Variants in CTIF observed in about 807,000 individuals in gnomAD.
CTIF encodes the protein CBP80/20-dependent translation initiation factor.
CTIF carries 21 observed loss-of-function variants against 66.0 expected under a neutral mutation model. That is an observed-to-expected ratio of 0.32 (90% CI 0.23 to 0.46). The LOEUF (loss-of-function observed/expected upper bound fraction) is 0.46. Among genes scored for constraint, CTIF ranks in the 20% least tolerant of loss-of-function variants. The pLI, the probability that CTIF is intolerant of heterozygous loss-of-function variation, is 1.00. For synonymous variants in CTIF, 345 were observed against 326.4 expected (o/e 1.06, Z -0.62); for missense variants, 739 against 812.7 (o/e 0.91, Z 1.10).
intron 6 of CTIF, among the ~76,000 whole-genome samples, chr18:48,690,164 A>C (rs1299471270): frequency 6.7e-6 from 1 of 150,212 alleles, no homozygotes; most frequent in Non-Finnish European, 1.5e-5. Flanking sequence ...TCTCCACCCC[A>C]CCCCGTCCTT....
At chr18:48,808,861 T>G (rs565612941) in intron 9 of CTIF, among the ~76,000 whole-genome samples, 22 of 152,230 alleles carry the variant, frequency 1.4e-4, no homozygotes, top group Non-Finnish European at 2.8e-4. Flanking sequence ...TCCCTTGCTA[T>G]TCTTTCAAAT....
Position 48,620,718 on chromosome 18 carries a change from G to A in CTIF, c.180+973G>A, listed in dbSNP as rs11874633. Among the ~76,000 whole-genome samples, 888 of 152,316 alleles carry A rather than the reference G, an allele frequency of 5.8e-3. 2 individuals carry two copies. Among genetic ancestry groups the A allele is most frequent in the African/African-American group, 0.018 (736 of 41,572 alleles). ...GGTTCTGGGGATCCGCCTCTCGTGC[G>A]TGTTATCCCATCTCCAAGCCTGGGA... On this transcript the variant is annotated intron_variant, in intron 2 of 11. Transcript: ENST00000256413.
At chr18:48,584,652 A>G (rs930637056) in intron 1 of CTIF, among the ~76,000 whole-genome samples, 6 of 152,090 alleles carry the variant, frequency 3.9e-5, no homozygotes, top group Non-Finnish European at 5.9e-5. Context: ...TGGAGAGGAG[A>G]CCTGAGTTTG....
chr18:48,779,681 C>G (rs1599030071), intron 9 of CTIF, among the ~76,000 whole-genome samples: 2 of 152,228 alleles, frequency 1.3e-5, no homozygotes, highest in South Asian at 4.1e-4. Flanking sequence ...TCTGCTGCCT[C>G]CTTTCCTGTC....
At chr18:48,558,048 T>TTTTTC (rs750369299) in intron 1 of CTIF, among the ~76,000 whole-genome samples, 1 of 152,246 alleles carries the variant, frequency 6.6e-6, no homozygotes, top group Admixed American at 6.5e-5. Flanking sequence ...ATTCCCTTTC[T>TTTTTC]TTTTCTTTTC....
chr18:48,770,369 G>C (rs1909987588), intron 9 of CTIF, among the ~76,000 whole-genome samples: 1 of 152,280 alleles, frequency 6.6e-6, no homozygotes, highest in African/African-American at 2.4e-5. Context: ...AAATCACAGA[G>C]AGCCCCGCTC....
chr18:48,627,764 AG>A (rs2090628790), intron 2 of CTIF, among the ~76,000 whole-genome samples: 3 of 18,328 alleles, frequency 1.6e-4, no homozygotes, highest in Non-Finnish European at 3.2e-4. Flanking sequence ...GAAAGAAGAC[AG>A]GGTTGGGGGG....
At chr18:48,691,126 C>G (rs1005926966) in intron 6 of CTIF, among the ~76,000 whole-genome samples, 4 of 152,206 alleles carry the variant, frequency 2.6e-5, no homozygotes, top group Non-Finnish European at 5.9e-5. Context: ...TTCCTAAACT[C>G]CCCCAAAATA....
intron 9 of CTIF, among the ~76,000 whole-genome samples, chr18:48,812,724 A>C (rs2068284430): frequency 6.6e-6 from 1 of 150,958 alleles, no homozygotes; most frequent in Non-Finnish European, 1.5e-5. Flanking sequence ...ACTGCACTGC[A>C]GCCTGGGCAA....
intron 6 of CTIF, among the ~76,000 whole-genome samples, chr18:48,699,513 G>A (rs960962352): frequency 3.8e-4 from 58 of 152,298 alleles, no homozygotes; most frequent in African/African-American, 1.3e-3. Flanking sequence ...TCCTGGACAC[G>A]GCCTGGGAGC....
At chr18:48,587,908 A>G (rs1285511723) in intron 1 of CTIF, among the ~76,000 whole-genome samples, 1 of 152,248 alleles carries the variant, frequency 6.6e-6, no homozygotes, top group Non-Finnish European at 1.5e-5. Context: ...ACACACAGCC[A>G]ATCGCCTTTC....
chr18:48,804,276 T>G (rs1368330754), intron 9 of CTIF, among the ~76,000 whole-genome samples: 1 of 152,192 alleles, frequency 6.6e-6, no homozygotes, highest in Non-Finnish European at 1.5e-5. Flanking sequence ...AGTGCCCACA[T>G]GGTCCCCGTC....
At position 48,859,872 on chromosome 18, in the gene CTIF, G is replaced by A. The variant is rs138596811; in HGVS notation, c.*313G>A. 5.9e-5 allele frequency: 33 copies of A among 560,218 alleles called. No homozygotes were observed. The highest frequency in any genetic ancestry group is 2.2e-4 in the African/African-American group (12 of 53,864). The allele number at this position is 560,218 out of a possible 1,614,324, so 34.7% of individuals were successfully genotyped here. On this transcript the variant is annotated 3_prime_UTR_variant, in exon 12 of 12. Coordinates refer to ENST00000256413, the MANE Select transcript of CTIF (RefSeq NM_014772.3). ...CCTCCCCATCAGACCCATCCCCCACGGAGCTTTGTGTGAGGGATCTCATCG... is the reference window on the plus strand; with the variant it reads ...CCTCCCCATCAGACCCATCCCCCACAGAGCTTTGTGTGAGGGATCTCATCG...
At chr18:48,672,348 T>C (rs1405290295) in intron 6 of CTIF, among the ~76,000 whole-genome samples, 1 of 152,136 alleles carries the variant, frequency 6.6e-6, no homozygotes, top group East Asian at 1.9e-4. Context: ...CAACTCTTAA[T>C]AGTATGGACG....
chr18:48,549,769 T>C (rs1414538887), intron 1 of CTIF, among the ~76,000 whole-genome samples: 1 of 152,172 alleles, frequency 6.6e-6, no homozygotes, highest in African/African-American at 2.4e-5. Context: ...TCCGCTCCAG[T>C]GGAGGAGGAG....
At chr18:48,812,564 G>A (rs890852421) in intron 9 of CTIF, among the ~76,000 whole-genome samples, 10 of 151,812 alleles carry the variant, frequency 6.6e-5, no homozygotes, top group Admixed American at 5.2e-4. Flanking sequence ...AAAATTCAGC[G>A]GGGGCAACGT....
At chr18:48,801,460 C>G (rs2068047700) in intron 9 of CTIF, among the ~76,000 whole-genome samples, 1 of 152,190 alleles carries the variant, frequency 6.6e-6, no homozygotes, top group Non-Finnish European at 1.5e-5. Context: ...GTGTGCACTC[C>G]CATTGCAGCT....
intron 1 of CTIF, among the ~76,000 whole-genome samples, chr18:48,610,156 A>G (rs1411065553): frequency 6.6e-6 from 1 of 152,188 alleles, no homozygotes; most frequent in Non-Finnish European, 1.5e-5. Flanking sequence ...CAGTCTTATC[A>G]ATACCAGGCA....
intron 1 of CTIF, among the ~76,000 whole-genome samples, chr18:48,597,062 G>C (rs1287470029): frequency 6.6e-6 from 1 of 152,216 alleles, no homozygotes; most frequent in Non-Finnish European, 1.5e-5. Flanking sequence ...GATGCTGAGT[G>C]GGTGGAATAA....
Sources: allele counts gnomAD v4.1 joint callset (sites outside exome capture counted in the v4.1 genomes callset), GRCh38; gene constraint gnomAD v4.1.1; transcripts MANE v1.5; gene names NCBI Gene and HGNC (gene_info 2026-07-23, HGNC 2026-07-21).